The following TRPM3 variants were observed in gnomAD, a reference collection of about 807,000 sequenced individuals.
TRPM3 encodes long transient receptor potential channel 3.
In TRPM3, 77 loss-of-function variants were observed where a neutral mutation model predicts 181.2. The ratio of observed to expected loss-of-function variants is 0.42; its 90% confidence interval spans 0.35 to 0.51. The LOEUF (loss-of-function observed/expected upper bound fraction) is 0.51, where lower values mean the gene tolerates loss of function less well. Among genes scored for constraint, TRPM3 ranks in the 20% least tolerant of loss-of-function variants. TRPM3 has a pLI of 0.01. For synonymous variants in TRPM3, 745 were observed against 796.4 expected (o/e 0.94, Z 1.09); for missense variants, 1,759 against 2,196.7 (o/e 0.80, Z 3.98).
chr9:70,794,715 A>C (rs923608499), intron 6 of TRPM3, among the ~76,000 whole-genome samples: 1 of 152,038 alleles, frequency 6.6e-6, no homozygotes, highest in East Asian at 1.9e-4. Context: ...ACTTTCCCTG[A>C]TTCACTCTCA....
At position 70,621,233 on chromosome 9, in the gene TRPM3, C is replaced by T; in HGVS notation, c.1839+11G>A. On this transcript the variant is annotated intron_variant, in intron 15 of 25. Coordinates refer to ENST00000677713, the MANE Select transcript of TRPM3 (RefSeq NM_001366145.2). The stretch of plus-strand genomic sequence containing the variant: ...AAATCATTGACACTAATAATTTGGA[C>T]AAACACTTACCTCCATTCCCAGCAG... The T allele has an allele frequency of 6.3e-7, 1 of 1,587,270 alleles. No individual in the cohort carries two copies. The highest frequency in any genetic ancestry group is 8.6e-7 in the Non-Finnish European group (1 of 1,166,326).
chr9:71,206,083 A>G (rs921697208), intron 1 of TRPM3, among the ~76,000 whole-genome samples: 3 of 152,248 alleles, frequency 2.0e-5, no homozygotes, highest in Non-Finnish European at 2.9e-5. Flanking sequence ...TTACAGTAGA[A>G]TGGTTTATAA....
chr9:70,817,870 T>C (rs1220428961), intron 6 of TRPM3, among the ~76,000 whole-genome samples: 3 of 152,042 alleles, frequency 2.0e-5, no homozygotes, highest in Non-Finnish European at 4.4e-5. Context: ...TGTTTATTCA[T>C]ATATATAATC....
In TRPM3 at chr9:71,258,229, G is replaced by A. The variant is rs770819964; in HGVS notation, c.183+188424C>T. On this transcript the variant is annotated intron_variant, in intron 1 of 24. Coordinates refer to the TRPM3 transcript ENST00000357533. The stretch of plus-strand genomic sequence containing the variant: ...TTACCAATAACATTATACAGTGAAT[G>A]CTGTTATTAGCCCCACTTTTCAGAT... 1.7e-4 allele frequency among the ~76,000 whole-genome samples: 26 copies of A among 152,130 alleles called. 1 individual carries two copies. Among genetic ancestry groups the A allele is most frequent in the Non-Finnish European group, 8.8e-5 (6 of 68,032 alleles).
intron 5 of TRPM3, among the ~76,000 whole-genome samples, chr9:70,831,987 A>ATATTTATATATATATATATT (rs2093957820): frequency 2.4e-5 from 3 of 127,154 alleles, no homozygotes; most frequent in African/African-American, 8.7e-5. Context: ...ATATATATAT[A>ATATTTATATATATATATATT]TATATATATA....
chr9:71,372,957 A>G (rs186289594), intron 1 of TRPM3, among the ~76,000 whole-genome samples: 2 of 152,316 alleles, frequency 1.3e-5, no homozygotes, highest in Non-Finnish European at 2.9e-5. Flanking sequence ...TTAGAACTCA[A>G]GACTAAGATA....
At chr9:70,637,870 T>A (rs376972334) in intron 11 of TRPM3, among the ~76,000 whole-genome samples, 1 of 152,176 alleles carries the variant, frequency 6.6e-6, no homozygotes. Flanking sequence ...ATGGTTTGAA[T>A]GTTTGTGTCC....
chr9:70,917,501 G>C, intron 1 of TRPM3: 1 of 713,880 alleles, frequency 1.4e-6, no homozygotes, highest in Non-Finnish European at 2.6e-6. Context: ...GGCCAAGGGA[G>C]CCACCACGAT....
At chr9:70,932,953 A>G (rs2096789786) in intron 1 of TRPM3, among the ~76,000 whole-genome samples, 1 of 152,200 alleles carries the variant, frequency 6.6e-6, no homozygotes, top group Non-Finnish European at 1.5e-5. Flanking sequence ...GGTGAGAAGT[A>G]GGTGGGTTTG....
chr9:71,001,638 T>C (rs17056169), intron 1 of TRPM3, among the ~76,000 whole-genome samples: 12,793 of 152,198 alleles, frequency 0.084, 616 homozygotes, highest in Admixed American at 0.15. Flanking sequence ...TGTAAAAACA[T>C]TGAGTCCCTA....
chr9:71,341,862 A>G (rs1565480358), intron 1 of TRPM3, among the ~76,000 whole-genome samples: 1 of 152,076 alleles, frequency 6.6e-6, no homozygotes, highest in Admixed American at 6.6e-5. Context: ...GCATTAAAAA[A>G]ATGCCATAAA....
At chr9:70,634,513 C>T (rs141965107) in intron 12 of TRPM3, among the ~76,000 whole-genome samples, 1 of 152,312 alleles carries the variant, frequency 6.6e-6, no homozygotes, top group East Asian at 1.9e-4. Context: ...ACCTAGTCAT[C>T]ACTAGCTCAT....
intron 6 of TRPM3, among the ~76,000 whole-genome samples, chr9:70,822,189 T>C (rs568315432): frequency 6.2e-4 from 94 of 152,354 alleles, no homozygotes; most frequent in Non-Finnish European, 1.1e-3. Flanking sequence ...CTCCTGTTCT[T>C]CATTTGTGCA....
At chr9:70,764,819 G>A (rs563643885) in intron 7 of TRPM3, among the ~76,000 whole-genome samples, 6 of 152,110 alleles carry the variant, frequency 3.9e-5, no homozygotes, top group African/African-American at 1.4e-4. Context: ...CCTTCTGATT[G>A]CAACAAGAAG....
intron 1 of TRPM3, among the ~76,000 whole-genome samples, chr9:71,390,992 T>C (rs1011655770): frequency 4.6e-5 from 7 of 151,962 alleles, no homozygotes; most frequent in Non-Finnish European, 1.0e-4. Context: ...GTAAAGGTAC[T>C]GAGACACAAA....
In TRPM3 at chr9:71,420,749, G is replaced by GAGAGAGAA. The variant is rs201107856; in HGVS notation, c.183+25896_183+25903dup. Reference sequence around the variant, plus strand: ...AGAGAGAGAGAGAAAGAGAGAGAAAGAGAGAGAAAGAGAGAGAAAGAGAGA... The same window carrying GAGAGAGAA: ...AGAGAGAGAGAGAAAGAGAGAGAAAGAGAGAGAAAGAGAGAAAGAGAGAGAAAGAGAGA... On this transcript the variant is annotated intron_variant, in intron 1 of 24. Transcript: ENST00000357533. 1.9e-3 allele frequency among the ~76,000 whole-genome samples: 184 copies of GAGAGAGAA among 98,034 alleles called. 12 individuals are homozygous for GAGAGAGAA. In the East Asian group the frequency reaches 0.025, roughly 13 times the overall value. 64.3% of individuals were successfully genotyped at this position (98,034 alleles called of 152,430 possible).
chr9:71,355,404 C>T (rs2091854109), intron 1 of TRPM3, among the ~76,000 whole-genome samples: 2 of 152,132 alleles, frequency 1.3e-5, no homozygotes, highest in Non-Finnish European at 1.5e-5. Context: ...CATGTTTCTA[C>T]AAGCCAAGAA....
intron 7 of TRPM3, among the ~76,000 whole-genome samples, chr9:70,771,778 G>C (rs938131817): frequency 2.0e-5 from 3 of 152,062 alleles, no homozygotes; most frequent in Admixed American, 6.6e-5. Flanking sequence ...GAAGACAGAG[G>C]CTTTTCTGCC....
At chr9:70,893,011 T>C (rs1197458136) in intron 1 of TRPM3, among the ~76,000 whole-genome samples, 32 of 152,192 alleles carry the variant, frequency 2.1e-4, no homozygotes, top group Non-Finnish European at 1.5e-5. Flanking sequence ...TGAGATAGCA[T>C]TTTAAGCAAG....
Sources: allele counts gnomAD v4.1 joint callset (sites outside exome capture counted in the v4.1 genomes callset), GRCh38; gene constraint gnomAD v4.1.1; transcripts MANE v1.5; gene names NCBI Gene and HGNC (gene_info 2026-07-23, HGNC 2026-07-21).